DGKB: variants seen among roughly 807,000 people sequenced by gnomAD.
The protein encoded by DGKB is diacylglycerol kinase beta.
DGKB carries 67 observed loss-of-function variants against 114.3 expected under a neutral mutation model. The ratio of observed to expected loss-of-function variants is 0.59; its 90% CI spans 0.48 to 0.72. The LOEUF (loss-of-function observed/expected upper bound fraction) is 0.72, where lower values mean the gene tolerates loss of function less well. Ranked by LOEUF, DGKB falls within the 30% of genes least tolerant of loss-of-function variation. The pLI is 0.00. For synonymous variants in DGKB, 398 were observed against 323.1 expected (o/e 1.23, Z -2.49); for missense variants, 907 against 975.2 (o/e 0.93, Z 0.93).
intron 23 of DGKB, among the ~76,000 whole-genome samples, chr7:14,284,098 T>G (rs1800425530): frequency 6.6e-6 from 1 of 151,558 alleles, no homozygotes; most frequent in South Asian, 2.1e-4. Context: ...TGGGAGAAAA[T>G]TTTTGCAACC....
chr7:14,769,443 C>T (rs1001039173), intron 2 of DGKB, among the ~76,000 whole-genome samples: 9 of 151,352 alleles, frequency 5.9e-5, no homozygotes, highest in Admixed American at 5.9e-4. Context: ...GACCGATGTG[C>T]TTATATTACA....
chr7:14,813,830 A>G (rs1843739075), intron 2 of DGKB, among the ~76,000 whole-genome samples: 1 of 152,004 alleles, frequency 6.6e-6, no homozygotes, highest in South Asian at 2.1e-4. Context: ...TTATTTACAC[A>G]TTTTCATTGG....
chr7:14,603,725 C>T (rs74451264), intron 17 of DGKB, among the ~76,000 whole-genome samples: 9,924 of 152,076 alleles, frequency 0.065, 1,083 homozygotes, highest in African/African-American at 0.23. Flanking sequence ...GCAGCTTTCT[C>T]ACACACAATT....
intron 21 of DGKB, among the ~76,000 whole-genome samples, chr7:14,363,643 T>C (rs560236925): frequency 6.6e-6 from 1 of 152,158 alleles, no homozygotes; most frequent in East Asian, 1.9e-4. Flanking sequence ...ATATTTGATA[T>C]ATGGAGGATA....
At chr7:14,763,158 AT>A (rs199803786) in intron 2 of DGKB, among the ~76,000 whole-genome samples, 1 of 151,388 alleles carries the variant, frequency 6.6e-6, no homozygotes, top group Admixed American at 6.6e-5. Flanking sequence ...TTTGCTGATG[AT>A]TTTTTTTTCC....
At chr7:14,481,322 C>T (rs886726919) in intron 20 of DGKB, among the ~76,000 whole-genome samples, 4 of 151,970 alleles carry the variant, frequency 2.6e-5, no homozygotes, top group Non-Finnish European at 4.4e-5. Flanking sequence ...ATTTGAAAAG[C>T]TGAATATTTT....
At chr7:14,771,037 C>G (rs139802664) in intron 2 of DGKB, among the ~76,000 whole-genome samples, 5 of 152,124 alleles carry the variant, frequency 3.3e-5, no homozygotes, top group Admixed American at 2.6e-4. Context: ...CCTCCACTAA[C>G]AAGTTTTATT....
chr7:14,227,733 A>T (rs1407510406), intron 23 of DGKB, among the ~76,000 whole-genome samples: 1 of 152,066 alleles, frequency 6.6e-6, no homozygotes, highest in African/African-American at 2.4e-5. Context: ...TATTTCACAC[A>T]TACCTATGTG....
chr7:14,196,483 A>G (rs1379503013), intron 23 of DGKB, among the ~76,000 whole-genome samples: 1 of 152,076 alleles, frequency 6.6e-6, no homozygotes, highest in Non-Finnish European at 1.5e-5. Context: ...TTTCTTTTGA[A>G]GTAATTTTAT....
intron 2 of DGKB, among the ~76,000 whole-genome samples, chr7:14,833,269 T>G (rs1454420717): frequency 6.6e-6 from 1 of 152,154 alleles, no homozygotes; most frequent in East Asian, 1.9e-4. Context: ...ATTTACTTCT[T>G]TCTGAAATTT....
At chr7:14,439,347 A>G (rs1241014025) in intron 21 of DGKB, among the ~76,000 whole-genome samples, 3 of 152,140 alleles carry the variant, frequency 2.0e-5, no homozygotes, top group Non-Finnish European at 4.4e-5. Context: ...TAAAGTATCT[A>G]AAGTCTTTGC....
chr7:14,639,385 A>G (rs942059601), intron 13 of DGKB, among the ~76,000 whole-genome samples: 3 of 152,232 alleles, frequency 2.0e-5, no homozygotes, highest in African/African-American at 7.2e-5. Context: ...AGAGCATTCA[A>G]AACAGATTAT....
chr7:14,561,173 G>A (rs1796604852), intron 20 of DGKB, among the ~76,000 whole-genome samples: 1 of 152,146 alleles, frequency 6.6e-6, no homozygotes, highest in Non-Finnish European at 1.5e-5. Flanking sequence ...TCATGATAGT[G>A]AATAAGTCTC....
At chr7:14,864,955 C>G (rs546983374) in intron 1 of DGKB, among the ~76,000 whole-genome samples, 1 of 152,194 alleles carries the variant, frequency 6.6e-6, no homozygotes, top group East Asian at 1.9e-4. Flanking sequence ...GGAGGTGGAG[C>G]TGCTAATGAG....
At chr7:14,931,912 G>C (rs1448826502) in intron 1 of DGKB, among the ~76,000 whole-genome samples, 1 of 152,104 alleles carries the variant, frequency 6.6e-6, no homozygotes, top group Non-Finnish European at 1.5e-5. Flanking sequence ...TCACTTCTCA[G>C]AACTGGCTGC....
At chr7:14,836,783 G>A (rs1028275500) in intron 2 of DGKB, among the ~76,000 whole-genome samples, 2 of 152,218 alleles carry the variant, frequency 1.3e-5, no homozygotes, top group East Asian at 1.9e-4. Flanking sequence ...AGCAGGCTCC[G>A]TATCAGCTGC....
At chr7:14,612,383 C>A (rs975813570) in intron 16 of DGKB, among the ~76,000 whole-genome samples, 1 of 151,840 alleles carries the variant, frequency 6.6e-6, no homozygotes, top group Non-Finnish European at 1.5e-5. Context: ...GTTGGCCAGG[C>A]TGGTCTCAAA....
chr7:14,686,814 A>C (rs1821774536), intron 9 of DGKB, among the ~76,000 whole-genome samples: 1 of 151,902 alleles, frequency 6.6e-6, no homozygotes, highest in Non-Finnish European at 1.5e-5. Flanking sequence ...GAATTTCTTC[A>C]TGTTTTGCAA....
At chr7:14,604,027 T>A (rs961353827) in intron 17 of DGKB, among the ~76,000 whole-genome samples, 1 of 152,148 alleles carries the variant, frequency 6.6e-6, no homozygotes, top group African/African-American at 2.4e-5. Flanking sequence ...GAAAACATAT[T>A]GTTATATAAA....
Sources: allele counts gnomAD v4.1 joint callset (sites outside exome capture counted in the v4.1 genomes callset), GRCh38; gene constraint gnomAD v4.1.1; transcripts MANE v1.5; gene names NCBI Gene and HGNC (gene_info 2026-07-23, HGNC 2026-07-21).